The following NIPAL3 variants were observed in gnomAD, a reference collection of about 807,000 sequenced individuals.
NIPAL3 encodes NIPA like domain containing 3, also known as NIPA-like protein 3.
A neutral mutation model predicts 47.2 loss-of-function variants in NIPAL3; 41 were observed. That is an observed-to-expected ratio of 0.87 (90% CI 0.68 to 1.13). The LOEUF is 1.13. Among genes scored for constraint, NIPAL3 ranks in the 50% most tolerant of loss-of-function variants. The pLI is 0.00. For synonymous variants in NIPAL3, 194 were observed against 209.6 expected, an observed-to-expected ratio of 0.93 and a Z score of 0.64; for missense variants, 449 against 530.1, an observed-to-expected ratio of 0.85 and a Z score of 1.50.
intron 2 of NIPAL3, among the ~76,000 whole-genome samples, chr1:24,428,527 CTCAG>C (rs1182549026): frequency 2.6e-5 from 4 of 152,170 alleles, no homozygotes; most frequent in Non-Finnish European, 5.9e-5. Context: ...GGGTTCCCCA[CTCAG>C]TCAATCAGCA....
chr1:24,414,894 C>T (rs1323500682), upstream of NIPAL3: 1 of 152,170 alleles, frequency 6.6e-6, no homozygotes, highest in Non-Finnish European at 1.5e-5. Context: ...AACCACGCCC[C>T]CAGAAAAATC....
In NIPAL3 at chr1:24,452,748, C is replaced by T. The variant is rs555412534; in HGVS notation, c.541-660C>T. ...TATTTATTTTTTTGAGATGGAGCCTCGCTCTGTCTCCCAGGATGGAGTGCA... is the reference window on the plus strand; with the variant it reads ...TATTTATTTTTTTGAGATGGAGCCTTGCTCTGTCTCCCAGGATGGAGTGCA... On this transcript the variant is annotated intron_variant, in intron 6 of 11. Coordinates refer to ENST00000374399, the MANE Select transcript of NIPAL3 (RefSeq NM_020448.5). Among the ~76,000 whole-genome samples the T allele has an allele frequency of 1.7e-3, 265 of 151,950 alleles. 2 individuals are homozygous for T. Among genetic ancestry groups the T allele is most frequent in the African/African-American group, 5.9e-3 (246 of 41,422 alleles).
chr1:24,431,468 G>A (rs1224051117), intron 2 of NIPAL3, among the ~76,000 whole-genome samples: 1 of 152,150 alleles, frequency 6.6e-6, no homozygotes, highest in African/African-American at 2.4e-5. Flanking sequence ...AAAATCTCTG[G>A]CCCCAGTCCA....
chr1:24,467,887 C>T (rs1343395750), intron 11 of NIPAL3, among the ~76,000 whole-genome samples: 1 of 152,096 alleles, frequency 6.6e-6, no homozygotes, highest in Non-Finnish European at 1.5e-5. Context: ...AGCCCAGTGC[C>T]CAGGGCATAT....
chr1:24,456,472 C>G (rs1370983015), intron 8 of NIPAL3, among the ~76,000 whole-genome samples, 199 bp downstream of exon 8: 1 of 152,134 alleles, frequency 6.6e-6, no homozygotes, highest in African/African-American at 2.4e-5. Context: ...GAAGCCAGGC[C>G]AGGCTCAGTG....
At chr1:24,464,358 TTCTGATTCATAC>T (rs1646610277) in intron 11 of NIPAL3, 1 of 314,434 alleles carries the variant, frequency 3.2e-6, no homozygotes, top group Admixed American at 4.9e-5. Context: ...TTAAATAAAA[TTCTGATTCATAC>T]TCAATATAAT....
At chr1:24,440,383 C>A in intron 3 of NIPAL3, 143 bp downstream of exon 3, 1 of 514,688 alleles carries the variant, frequency 1.9e-6, no homozygotes, top group South Asian at 4.5e-5. Flanking sequence ...CCTTGTGGGC[C>A]GTTCCAGGAT....
intron 2 of NIPAL3, among the ~76,000 whole-genome samples, chr1:24,428,085 C>CA (rs1453228666): frequency 6.6e-6 from 1 of 152,184 alleles, no homozygotes; most frequent in East Asian, 1.9e-4. Context: ...ACTAAAAATA[C>CA]AAAAATTAGC....
chr1:24,437,148 A>G (rs1195729846), intron 2 of NIPAL3, among the ~76,000 whole-genome samples: 1 of 152,044 alleles, frequency 6.6e-6, no homozygotes, highest in African/African-American at 2.4e-5. Flanking sequence ...GCTACTTGGG[A>G]GGCTGAGGCA....
At chr1:24,457,670 G>A in intron 8 of NIPAL3, 1 of 506,178 alleles carries the variant, frequency 2.0e-6, no homozygotes, top group Non-Finnish European at 4.0e-6. Flanking sequence ...GCTGAGATCT[G>A]AACCCAGGTG....
intron 2 of NIPAL3, among the ~76,000 whole-genome samples, chr1:24,436,835 T>C (rs563474744): frequency 6.6e-6 from 1 of 152,254 alleles, no homozygotes; most frequent in East Asian, 1.9e-4. Context: ...AGGGTTTTAG[T>C]TGTACATAGC....
chr1:24,468,648 T>C (rs1464449730), intron 11 of NIPAL3, among the ~76,000 whole-genome samples: 2 of 152,188 alleles, frequency 1.3e-5, no homozygotes, highest in Non-Finnish European at 2.9e-5. Flanking sequence ...CAGTGAAGCA[T>C]TGGCATCTAC....
rs758507698 is a variant in NIPAL3 at position 24,449,671 on chromosome 1, G to A, written c.540+45G>A. Reference sequence around the variant, plus strand: ...GTTCCCCCTGAGATGGCAGGAGGGAGATCAAGTCCTAGAAACCAGAAACGT... The same window carrying A: ...GTTCCCCCTGAGATGGCAGGAGGGAAATCAAGTCCTAGAAACCAGAAACGT... On this transcript the variant is annotated intron_variant, in intron 6 of 11. Coordinates refer to ENST00000374399, the MANE Select transcript of NIPAL3 (RefSeq NM_020448.5). This position sits in a 1 kb window ranked among gnomAD's most constrained non-coding sequence, Gnocchi z 4.5. 13 of 1,584,886 alleles carry A rather than the reference G, an allele frequency of 8.2e-6. No homozygotes were observed. The highest frequency in any genetic ancestry group is 1.3e-5 in the African/African-American group (1 of 74,344).
At chr1:24,433,709 A>G (rs1006995509) in intron 2 of NIPAL3, among the ~76,000 whole-genome samples, 1 of 152,230 alleles carries the variant, frequency 6.6e-6, no homozygotes, top group Admixed American at 6.5e-5. Context: ...CCAGTTAGAT[A>G]TAATTTCCAA....
chr1:24,441,991 C>T, intron 3 of NIPAL3, 64 bp from the exon 4 acceptor site: 2 of 1,551,196 alleles, frequency 1.3e-6, no homozygotes, highest in South Asian at 1.2e-5. Context: ...ATTTAGGGTA[C>T]CTACATCATA....
intron 8 of NIPAL3, among the ~76,000 whole-genome samples, chr1:24,457,346 C>T (rs145650614): frequency 4.3e-4 from 66 of 152,328 alleles, no homozygotes; most frequent in African/African-American, 1.6e-3. Context: ...TGGAGCCCAA[C>T]AGAGGGCCTG....
intron 5 of NIPAL3, among the ~76,000 whole-genome samples, chr1:24,447,582 A>T (rs1391193092): frequency 6.6e-6 from 1 of 152,224 alleles, no homozygotes; most frequent in African/African-American, 2.4e-5. Context: ...CTTTGCCAAA[A>T]GAAAAAAGTA....
rs1053171063 is a variant in NIPAL3, at chr1:24,472,888, G to A, written c.*3703G>A. 1 of 151,506 alleles carries A rather than the reference G, an allele frequency of 6.6e-6. No individual in the cohort carries two copies. Among genetic ancestry groups the A allele is most frequent in the Non-Finnish European group, 1.5e-5 (1 of 67,946 alleles). 9.4% of individuals were successfully genotyped at this position (151,506 alleles called of 1,614,324 possible). On this transcript the variant is annotated 3_prime_UTR_variant, in exon 12 of 12. Transcript: ENST00000374399. ...GATGCTTATATTTTGTTAACTTCAC[G>A]ACTTATGGCATGTCTTATTTAAAAA...
In NIPAL3 at chr1:24,447,783, A is replaced by T. The variant is rs550144800; in HGVS notation, c.395-1698A>T. 7.9e-5 allele frequency among the ~76,000 whole-genome samples: 12 copies of T among 152,358 alleles called. No individual in the cohort carries two copies. The East Asian group carries it at 2.3e-3, about 29-fold the overall frequency. On this transcript the variant is annotated intron_variant, in intron 5 of 11. Coordinates refer to ENST00000374399, the MANE Select transcript of NIPAL3 (RefSeq NM_020448.5). ...AGTGCCCTGTGTGACTTGGAAAAAG[A>T]AGGCCCCTCTGGGCATCTGTAGTTT...
Sources: allele counts gnomAD v4.1 joint callset (sites outside exome capture counted in the v4.1 genomes callset), GRCh38; gene constraint gnomAD v4.1.1; non-coding constraint Gnocchi (gnomAD v3.1); transcripts MANE v1.5; gene names NCBI Gene and HGNC (gene_info 2026-07-23, HGNC 2026-07-21).